The following DAB1 variants were observed in gnomAD, a reference collection of about 807,000 sequenced individuals.
The protein encoded by DAB1 is DAB adaptor protein 1.
In DAB1, 15 loss-of-function variants were observed where a neutral mutation model predicts 64.6. The ratio of observed to expected loss-of-function variants is 0.23; its 90% CI spans 0.16 to 0.36. The LOEUF is 0.36. Among genes scored for constraint, DAB1 ranks in the 10% least tolerant of loss-of-function variants. The pLI, the probability that DAB1 is intolerant of heterozygous loss-of-function variation, is 1.00. For missense variants in DAB1, 596 were observed against 706.7 expected, an observed-to-expected ratio of 0.84 and a Z score of 1.78; for synonymous variants, 235 against 251.9, an observed-to-expected ratio of 0.93 and a Z score of 0.64.
At chr1:57,622,916 G>A (rs1052031247) in intron 7 of DAB1, among the ~76,000 whole-genome samples, 16 of 152,240 alleles carry the variant, frequency 1.1e-4, no homozygotes, top group Middle Eastern at 3.4e-3. Context: ...GTCCTCCTAA[G>A]GCCAGCCAGA....
At chr1:58,450,976 G>A (rs2100293068) in intron 3 of DAB1, among the ~76,000 whole-genome samples, 1 of 152,314 alleles carries the variant, frequency 6.6e-6, no homozygotes, top group East Asian at 1.9e-4. Flanking sequence ...TACCTGACCG[G>A]TACTCACCAA....
chr1:57,476,435 C>T (rs1643940090), intron 7 of DAB1, among the ~76,000 whole-genome samples: 1 of 151,968 alleles, frequency 6.6e-6, no homozygotes, highest in African/African-American at 2.4e-5. Context: ...TCAAAGTAAT[C>T]ACCCCTTCTA....
rs148571156 is a variant in DAB1 at position 58,152,454 on chromosome 1, C to T, written n.310-1866G>A. ...TTTGAAGAATGACATTGCCCATTGGCACATCAGGCACAAGCCTTCCTCCTG... is the reference window on the plus strand; with the variant it reads ...TTTGAAGAATGACATTGCCCATTGGTACATCAGGCACAAGCCTTCCTCCTG... On this transcript the variant is annotated intron_variant and non_coding_transcript_variant, in intron 4 of 20. Transcript: ENST00000485760. Among the ~76,000 whole-genome samples, 3 of 152,308 alleles carry T rather than the reference C, an allele frequency of 2.0e-5. No homozygotes were observed. In the East Asian group the frequency reaches 5.8e-4, roughly 29 times the overall value.
intron 3 of DAB1, among the ~76,000 whole-genome samples, chr1:58,379,103 C>G (rs977039343): frequency 2.6e-5 from 4 of 151,612 alleles, no homozygotes. Context: ...GAGATGAACC[C>G]GGTACCTCAG....
rs58148255 is a variant in DAB1, at chr1:57,590,310, T to TTTTATTTATTTA, written n.625+59270_625+59281dup. ...TTAACCTTAATTATTTTTTCTTTTC[T>TTTTATTTATTTA]TTTATTTATTTATTTATTTATTTAT... On this transcript the variant is annotated intron_variant and non_coding_transcript_variant, in intron 7 of 20. Transcript: ENST00000485760. Among the ~76,000 whole-genome samples the TTTTATTTATTTA allele has an allele frequency of 3.8e-3, 579 of 151,172 alleles. 2 individuals are homozygous for TTTTATTTATTTA. The highest frequency in any genetic ancestry group is 0.012 in the African/African-American group (495 of 40,874).
intron 4 of DAB1, among the ~76,000 whole-genome samples, chr1:58,306,905 G>A (rs1016389502): frequency 2.6e-5 from 4 of 152,126 alleles, no homozygotes; most frequent in Admixed American, 6.5e-5. Context: ...AGTCCTTGTC[G>A]AGGGACATAA....
intron 7 of DAB1, among the ~76,000 whole-genome samples, chr1:57,484,488 C>T (rs1416174005): frequency 6.6e-6 from 1 of 152,054 alleles, no homozygotes; most frequent in African/African-American, 2.4e-5. Flanking sequence ...TAATTTGATT[C>T]CAATTTATTT....
chr1:57,965,325 T>C (rs1645637479), intron 5 of DAB1, among the ~76,000 whole-genome samples: 3 of 152,182 alleles, frequency 2.0e-5, no homozygotes, highest in African/African-American at 7.2e-5. Flanking sequence ...ATAATCCAAT[T>C]ACCAAGAATA....
chr1:58,514,126 T>C (rs1646124336), intron 2 of DAB1, among the ~76,000 whole-genome samples: 1 of 152,152 alleles, frequency 6.6e-6, no homozygotes, highest in Admixed American at 6.5e-5. Flanking sequence ...CTATGGTAAT[T>C]GCAAAATGCT....
At chr1:57,712,748 C>A (rs1372538988) in intron 6 of DAB1, among the ~76,000 whole-genome samples, 1 of 152,114 alleles carries the variant, frequency 6.6e-6, no homozygotes, top group East Asian at 1.9e-4. Flanking sequence ...TGGTCTAACC[C>A]AGAACATTCA....
At chr1:57,213,043 G>A (rs1294396196) in intron 2 of DAB1, among the ~76,000 whole-genome samples, 1 of 152,144 alleles carries the variant, frequency 6.6e-6, no homozygotes, top group African/African-American at 2.4e-5. Flanking sequence ...AGTGGGAGGC[G>A]AGTCTAGGTC....
intron 4 of DAB1, among the ~76,000 whole-genome samples, chr1:58,300,610 A>AAGAAAGAGAG (rs1271283598): frequency 1.5e-4 from 7 of 47,052 alleles, no homozygotes; most frequent in African/African-American, 2.0e-4. Context: ...GAAAGAAAGA[A>AAGAAAGAGAG]AGAGAGAGAG....
rs549983831 is a variant in DAB1 at position 57,820,427 on chromosome 1, T to TA, written n.551+63571dup. Among the ~76,000 whole-genome samples the TA allele has an allele frequency of 6.7e-3, 1,005 of 149,070 alleles. 10 individuals are homozygous for TA. The highest frequency in any genetic ancestry group is 0.021 in the African/African-American group (870 of 40,858). ...ACTTATGGTGAAAAGCTTAGTCACT[T>TA]AAAAAAAAAAATTAAATCCAGAAGC... On this transcript the variant is annotated intron_variant and non_coding_transcript_variant, in intron 6 of 20. Transcript: ENST00000485760.
intron 6 of DAB1, among the ~76,000 whole-genome samples, chr1:57,692,996 C>A (rs937359367): frequency 3.3e-5 from 5 of 152,148 alleles, no homozygotes; most frequent in Non-Finnish European, 7.3e-5. Context: ...CTATTACTCA[C>A]CTTTGGGCCC....
chr1:57,604,152 A>T lies in DAB1; in HGVS notation n.625+45440T>A, dbSNP rs953197012. 2.0e-5 allele frequency among the ~76,000 whole-genome samples: 3 copies of T among 152,204 alleles called. No individual in the cohort carries two copies. The South Asian group carries it at 6.2e-4, about 31-fold the overall frequency. ...GGGAGGTGGTGTTTGTGGAATGCAC[A>T]AATGCCAGTGAGAAGGCTTGAAGTG... On this transcript the variant is annotated intron_variant and non_coding_transcript_variant, in intron 7 of 20. Transcript: ENST00000485760.
chr1:58,518,277 G>GGAGAAGAGAAGAGAA (rs1278778501), intron 2 of DAB1, among the ~76,000 whole-genome samples: 1 of 2,404 alleles, frequency 4.2e-4, no homozygotes, highest in Admixed American at 4.2e-3. Flanking sequence ...AGAGAGGAGA[G>GGAGAAGAGAAGAGAA]GAGAAGAGAA....
At chr1:58,522,622 C>A (rs1033234395) in intron 2 of DAB1, among the ~76,000 whole-genome samples, 5 of 152,064 alleles carry the variant, frequency 3.3e-5, no homozygotes, top group Non-Finnish European at 5.9e-5. Context: ...GGCACTGACC[C>A]CTCTGTGCAG....
intron 4 of DAB1, among the ~76,000 whole-genome samples, chr1:58,226,696 T>C (rs1659515858): frequency 6.6e-6 from 1 of 152,248 alleles, no homozygotes; most frequent in South Asian, 2.1e-4. Flanking sequence ...ATGCTTTCCA[T>C]GTAGTCTTTT....
At chr1:57,226,230 G>T (rs1472918931) in intron 2 of DAB1, among the ~76,000 whole-genome samples, 2 of 152,168 alleles carry the variant, frequency 1.3e-5, no homozygotes, top group Non-Finnish European at 1.5e-5. Flanking sequence ...CGCTAGCAGA[G>T]ACCTCTCCCC....
Sources: allele counts gnomAD v4.1 joint callset (sites outside exome capture counted in the v4.1 genomes callset), GRCh38; gene constraint gnomAD v4.1.1; transcripts MANE v1.5; gene names NCBI Gene and HGNC (gene_info 2026-07-23, HGNC 2026-07-21).